The following ADGRL3 variants were observed in gnomAD, a reference collection of about 807,000 sequenced individuals.
ADGRL3 encodes adhesion G protein-coupled receptor L3.
ADGRL3 carries 62 observed loss-of-function variants against 153.5 expected under a neutral mutation model. That is an observed-to-expected ratio of 0.40 (90% CI 0.33 to 0.50). The LOEUF (loss-of-function observed/expected upper bound fraction) is 0.50. Among genes scored for constraint, ADGRL3 ranks in the 20% least tolerant of loss-of-function variants. The probability of loss-of-function intolerance (pLI) is 0.47; values close to 1 mark genes in which losing one functional copy is unlikely to be tolerated. For synonymous variants in ADGRL3, 710 were observed against 672.5 expected (o/e 1.06, Z -0.86); for missense variants, 1,641 against 1,859.4 (o/e 0.88, Z 2.16).
chr4:61,904,858 A>G (rs1227507068), intron 11 of ADGRL3, among the ~76,000 whole-genome samples: 1 of 152,206 alleles, frequency 6.6e-6, no homozygotes, highest in Non-Finnish European at 1.5e-5. Context: ...CTAATTTAGT[A>G]GATCTCAAAC....
intron 1 of ADGRL3, among the ~76,000 whole-genome samples, chr4:61,300,922 G>A (rs549955703): frequency 3.3e-5 from 5 of 151,862 alleles, no homozygotes; most frequent in East Asian, 1.9e-4. Flanking sequence ...CCACCACCAC[G>A]CCCGGCTAAT....
chr4:61,682,480 C>T (rs2095357445), intron 6 of ADGRL3, among the ~76,000 whole-genome samples: 1 of 151,640 alleles, frequency 6.6e-6, no homozygotes, highest in Non-Finnish European at 1.5e-5. Context: ...AAAAATATTG[C>T]ATATTCATAT....
intron 9 of ADGRL3, among the ~76,000 whole-genome samples, chr4:61,879,679 C>G (rs895496875): frequency 2.6e-5 from 4 of 152,056 alleles, no homozygotes; most frequent in African/African-American, 9.6e-5. Flanking sequence ...CAAGAGAAAG[C>G]AAAATTGGGA....
At chr4:61,618,850 G>T (rs2092279456) in intron 5 of ADGRL3, among the ~76,000 whole-genome samples, 2 of 152,068 alleles carry the variant, frequency 1.3e-5, no homozygotes, top group South Asian at 4.1e-4. Context: ...TTAAGTAGTT[G>T]TGACTACAGG....
chr4:61,698,150 G>A (rs577068575), intron 6 of ADGRL3, among the ~76,000 whole-genome samples: 32 of 151,958 alleles, frequency 2.1e-4, no homozygotes, highest in African/African-American at 7.5e-4. Context: ...TCACTGATGC[G>A]TTTGAAAAAA....
At chr4:61,550,128 C>T (rs567242114) in intron 4 of ADGRL3, among the ~76,000 whole-genome samples, 6 of 151,654 alleles carry the variant, frequency 4.0e-5, no homozygotes, top group African/African-American at 1.2e-4. Context: ...AATTCCTTAC[C>T]AAAATATAGA....
intron 1 of ADGRL3, among the ~76,000 whole-genome samples, chr4:61,328,875 A>C (rs1338850194): frequency 6.6e-6 from 1 of 152,086 alleles, no homozygotes; most frequent in East Asian, 1.9e-4. Context: ...TCAAGCTGAA[A>C]ATTGATCTCC....
chr4:61,755,092 T>A (rs1377347453), intron 8 of ADGRL3, among the ~76,000 whole-genome samples: 2 of 152,212 alleles, frequency 1.3e-5, no homozygotes, highest in African/African-American at 4.8e-5. Context: ...TGTGCATGTG[T>A]CTTTACAGCA....
At chr4:61,612,607 A>C (rs2091503194) in intron 5 of ADGRL3, among the ~76,000 whole-genome samples, 1 of 152,216 alleles carries the variant, frequency 6.6e-6, no homozygotes, top group African/African-American at 2.4e-5. Flanking sequence ...AGATCACTAA[A>C]ATACTAAAAA....
rs375164324 is a variant in ADGRL3 at position 61,578,861 on chromosome 4, T to G, written c.260-8366T>G. On this transcript the variant is annotated intron_variant, in intron 4 of 26. Coordinates refer to ENST00000683033, the MANE Select transcript of ADGRL3 (RefSeq NM_001387552.1). The stretch of plus-strand genomic sequence containing the variant: ...GCTTTATAATGTTTTAAGCTTTGCA[T>G]AGGCATGTATTCATTCTTTCTCCAA... Among the ~76,000 whole-genome samples, 120 of 152,240 alleles carry G rather than the reference T, an allele frequency of 7.9e-4. 3 individuals carry two copies. In the South Asian group the frequency reaches 0.025, roughly 32 times the overall value.
intron 8 of ADGRL3, among the ~76,000 whole-genome samples, chr4:61,758,483 C>G (rs2096866965): frequency 6.6e-6 from 1 of 152,114 alleles, no homozygotes; most frequent in South Asian, 2.1e-4. Flanking sequence ...TCTGTTTTAT[C>G]AGAGACTAGG....
At position 61,622,241 on chromosome 4, in the gene ADGRL3, C is replaced by G. The variant is rs551279020; in HGVS notation, c.473+34801C>G. On this transcript the variant is annotated intron_variant, in intron 5 of 26. Coordinates refer to ENST00000683033, the MANE Select transcript of ADGRL3 (RefSeq NM_001387552.1). ...AAATATTCTGTAAAGCTTCTATATTCAAAGTAAAATCCCACCATATGCAGA... is the reference window on the plus strand; with the variant it reads ...AAATATTCTGTAAAGCTTCTATATTGAAAGTAAAATCCCACCATATGCAGA... Among the ~76,000 whole-genome samples the G allele has an allele frequency of 3.3e-5, 5 of 151,968 alleles. No homozygotes were observed. The East Asian group carries it at 9.6e-4, about 29-fold the overall frequency.
chr4:62,018,612 A>T (rs2099224042), intron 21 of ADGRL3, among the ~76,000 whole-genome samples: 1 of 152,132 alleles, frequency 6.6e-6, no homozygotes, highest in Admixed American at 6.6e-5. Flanking sequence ...AGAGAGAAGA[A>T]CAATATAACT....
intron 2 of ADGRL3, among the ~76,000 whole-genome samples, chr4:61,440,170 C>T (rs335282): frequency 0.93 from 141,738 of 152,144 alleles, 66,861 homozygotes; most frequent in East Asian, 1. Context: ...CATCTCAGCC[C>T]CCTGAGTAGC....
chr4:61,239,707 A>T (rs1228023926), intron 1 of ADGRL3, among the ~76,000 whole-genome samples: 1 of 152,130 alleles, frequency 6.6e-6, no homozygotes, highest in Non-Finnish European at 1.5e-5. Context: ...TATTTCTATG[A>T]GAGTTTAAGT....
intron 15 of ADGRL3, among the ~76,000 whole-genome samples, chr4:61,946,187 C>A (rs1041671546): frequency 6.6e-6 from 1 of 152,112 alleles, no homozygotes; most frequent in Non-Finnish European, 1.5e-5. Flanking sequence ...CCACCAGAAG[C>A]GTACGAGAGT....
At chr4:61,596,667 A>G (rs927569505) in intron 5 of ADGRL3, among the ~76,000 whole-genome samples, 1 of 152,146 alleles carries the variant, frequency 6.6e-6, no homozygotes, top group African/African-American at 2.4e-5. Context: ...AGCCTGGGCA[A>G]CATGGTGAGA....
intron 4 of ADGRL3, among the ~76,000 whole-genome samples, chr4:61,532,547 C>CGT (rs1476156297): frequency 3.1e-3 from 194 of 62,174 alleles, no homozygotes; most frequent in African/African-American, 8.2e-3. Flanking sequence ...CGCGCGCGCG[C>CGT]GCGCGCGCGT....
At chr4:61,368,057 T>A (rs901850498) in intron 1 of ADGRL3, among the ~76,000 whole-genome samples, 1 of 151,780 alleles carries the variant, frequency 6.6e-6, no homozygotes, top group Non-Finnish European at 1.5e-5. Context: ...TGTCTGTTCA[T>A]GTCCTTCGCC....
Sources: allele counts gnomAD v4.1 joint callset (sites outside exome capture counted in the v4.1 genomes callset), GRCh38; gene constraint gnomAD v4.1.1; transcripts MANE v1.5; gene names NCBI Gene and HGNC (gene_info 2026-07-23, HGNC 2026-07-21).